The following SLC16A7 variants were observed in gnomAD, a reference collection of about 807,000 sequenced individuals.
The protein encoded by SLC16A7 is monocarboxylate transporter 2.
SLC16A7 carries 33 observed loss-of-function variants against 34.9 expected under a neutral mutation model. That is an observed-to-expected ratio of 0.94 (90% CI 0.72 to 1.26). The LOEUF (loss-of-function observed/expected upper bound fraction) is 1.26, where lower values mean the gene tolerates loss of function less well. Ranked by LOEUF, SLC16A7 falls within the 50% of genes most tolerant of loss-of-function variation. The pLI, the probability that SLC16A7 is intolerant of heterozygous loss-of-function variation, is 0.00. For synonymous variants in SLC16A7, 201 were observed against 206.6 expected (o/e 0.97, Z 0.23); for missense variants, 573 against 578.1 (o/e 0.99, Z 0.09).
intron 3 of SLC16A7, among the ~76,000 whole-genome samples, chr12:59,747,919 T>C (rs1879069054): frequency 6.6e-6 from 1 of 152,138 alleles, no homozygotes. Flanking sequence ...AACAGAATCA[T>C]AGGCCACGCG....
intron 3 of SLC16A7, among the ~76,000 whole-genome samples, chr12:59,738,543 T>C (rs1004826253): frequency 6.6e-6 from 1 of 151,886 alleles, no homozygotes; most frequent in Non-Finnish European, 1.5e-5. Context: ...CTGTCCTTGT[T>C]TCCAAAATAT....
chr12:59,703,013 A>G (rs1475523251), intron 2 of SLC16A7, among the ~76,000 whole-genome samples: 4 of 152,096 alleles, frequency 2.6e-5, no homozygotes, highest in Non-Finnish European at 5.9e-5. Flanking sequence ...CTGAATAAAT[A>G]CTTACTGAAA....
intron 3 of SLC16A7, among the ~76,000 whole-genome samples, chr12:59,769,625 T>C (rs1171636056): frequency 2.0e-5 from 3 of 152,098 alleles, no homozygotes; most frequent in Non-Finnish European, 1.5e-5. Flanking sequence ...TCAAAAGATA[T>C]TGTGGAGTTA....
chr12:59,600,045 C>G (rs1878612167), intron 1 of SLC16A7, among the ~76,000 whole-genome samples: 1 of 152,112 alleles, frequency 6.6e-6, no homozygotes, highest in Non-Finnish European at 1.5e-5. Flanking sequence ...TCAACAAAGA[C>G]AAGTTGCTAG....
rs375787602 is a variant in SLC16A7 at position 59,774,905 on chromosome 12, A to G, written c.610A>G (p.Thr204Ala). Residue 204 changes from threonine to alanine, a missense_variant, in exon 5 of 6, where the codon ACT (threonine) becomes GCT (alanine). Coordinates refer to ENST00000547379, the MANE Select transcript of SLC16A7 (RefSeq NM_001270623.2). ...GAGACCCCTTGGACCCAATCAAACC[A>G]CTTCTAAGTCTAAAAATAAGACTGG... The part of the protein sequence containing the change: ...LMRPLGPNQT[T>A]SKSKNKTGKT... 1 of 1,613,840 alleles carries G rather than the reference A, an allele frequency of 6.2e-7. No homozygotes were observed. The highest frequency in any genetic ancestry group is 8.5e-7 in the Non-Finnish European group (1 of 1,179,948).
intron 2 of SLC16A7, among the ~76,000 whole-genome samples, chr12:59,675,613 A>G (rs147155438): frequency 1.2e-4 from 19 of 152,344 alleles, no homozygotes; most frequent in Admixed American, 1.2e-3. Flanking sequence ...GGAAAATGTT[A>G]AAAGAGGAAG....
chr12:59,623,176 T>A (rs908401200), intron 1 of SLC16A7, among the ~76,000 whole-genome samples: 1 of 151,508 alleles, frequency 6.6e-6, no homozygotes, highest in South Asian at 2.1e-4. Context: ...GCATCTCTCA[T>A]GGTCGAAATC....
At chr12:59,610,258 T>C (rs1028641692) in intron 1 of SLC16A7, among the ~76,000 whole-genome samples, 1 of 152,146 alleles carries the variant, frequency 6.6e-6, no homozygotes, top group Non-Finnish European at 1.5e-5. Flanking sequence ...GAATTACACC[T>C]GGAAATCTTT....
chr12:59,783,521 A>G lies in SLC16A7; in HGVS notation c.*3842A>G, dbSNP rs1044855526. 2.0e-5 allele frequency: 3 copies of G among 152,214 alleles called. No individual in the cohort carries two copies. The highest frequency in any genetic ancestry group is 4.4e-5 in the Non-Finnish European group (3 of 68,038). The allele number at this position is 152,214 out of a possible 1,614,324, so 9.4% of individuals were successfully genotyped here. ...CCAGAGAAGCAAAGGAAGATAAAAT[A>G]TAGGTACAAAAAAGATACATCCTAT... On this transcript the variant is annotated 3_prime_UTR_variant, in exon 6 of 6. Coordinates refer to ENST00000547379, the MANE Select transcript of SLC16A7 (RefSeq NM_001270623.2).
intron 1 of SLC16A7, among the ~76,000 whole-genome samples, chr12:59,634,866 G>A (rs1880346032): frequency 1.3e-5 from 2 of 151,978 alleles, no homozygotes; most frequent in South Asian, 4.1e-4. Flanking sequence ...TCCCTGCAAG[G>A]ATATTCCTAG....
chr12:59,724,877 C>T (rs1876048249), intron 3 of SLC16A7, among the ~76,000 whole-genome samples: 1 of 151,752 alleles, frequency 6.6e-6, no homozygotes, highest in African/African-American at 2.4e-5. Context: ...TCTATAAATT[C>T]TTTATCCTTG....
intron 3 of SLC16A7, among the ~76,000 whole-genome samples, chr12:59,765,972 A>C (rs1012865567): frequency 3.3e-5 from 5 of 152,114 alleles, no homozygotes; most frequent in African/African-American, 4.8e-5. Context: ...TGAGCATGGA[A>C]TGTTCTTCCA....
chr12:59,602,649 A>G (rs1878743789), intron 1 of SLC16A7, among the ~76,000 whole-genome samples: 2 of 151,340 alleles, frequency 1.3e-5, no homozygotes, highest in Non-Finnish European at 2.9e-5. Flanking sequence ...ACGTCTGGCT[A>G]ATTTTTTGTA....
At chr12:59,755,233 T>C (rs1880160542) in intron 3 of SLC16A7, among the ~76,000 whole-genome samples, 1 of 152,026 alleles carries the variant, frequency 6.6e-6, no homozygotes, top group Non-Finnish European at 1.5e-5. Flanking sequence ...CTATTCAACA[T>C]AGTGTTGGAA....
intron 1 of SLC16A7, among the ~76,000 whole-genome samples, chr12:59,629,970 C>A (rs1011729871): frequency 6.6e-6 from 1 of 151,838 alleles, no homozygotes; most frequent in Non-Finnish European, 1.5e-5. Context: ...AAGAAAGACA[C>A]CATTTTTAAA....
intron 1 of SLC16A7, among the ~76,000 whole-genome samples, chr12:59,618,802 C>CT (rs761618575): frequency 6.6e-6 from 1 of 151,948 alleles, no homozygotes; most frequent in African/African-American, 2.4e-5. Context: ...CTGAAAATCA[C>CT]TTTTTTTCTG....
intron 3 of SLC16A7, among the ~76,000 whole-genome samples, chr12:59,739,819 T>G (rs1407107681): frequency 6.6e-6 from 1 of 152,196 alleles, no homozygotes; most frequent in Non-Finnish European, 1.5e-5. Flanking sequence ...TTTTCATGTG[T>G]TTTTTGGCTG....
intron 3 of SLC16A7, among the ~76,000 whole-genome samples, chr12:59,707,184 T>A (rs1299287496): frequency 6.6e-6 from 1 of 152,038 alleles, no homozygotes; most frequent in African/African-American, 2.4e-5. Flanking sequence ...ATTCTATTGA[T>A]CAGAACTCTT....
Position 59,717,672 on chromosome 12 carries a change from A to G in SLC16A7, c.217+12654A>G, listed in dbSNP as rs748125585. Among the ~76,000 whole-genome samples, 60 of 152,318 alleles carry G rather than the reference A, an allele frequency of 3.9e-4. 1 individual carries two copies. Among genetic ancestry groups the G allele is most frequent in the Non-Finnish European group, 7.8e-4 (53 of 68,022 alleles). On this transcript the variant is annotated intron_variant, in intron 3 of 5. Transcript: ENST00000547379. ...ACTAGAAACCTGAGGCAATTCATGC[A>G]TGCTTCTGAAACTGTTTCCCTAACA... is the stretch of plus-strand genomic sequence containing the variant.
Sources: gnomAD v4.1 joint callset for allele counts (sites outside exome capture counted in the v4.1 genomes callset) on GRCh38, gnomAD v4.1.1 for gene constraint, MANE v1.5 for transcripts, NCBI Gene and HGNC (gene_info 2026-07-23, HGNC 2026-07-21) for gene names.